The following WDFY4 variants were observed in gnomAD, a reference collection of about 807,000 sequenced individuals.
The protein encoded by WDFY4 is WD repeat- and FYVE domain-containing protein 4.
A neutral mutation model predicts 351.9 loss-of-function variants in WDFY4; 169 were observed. The ratio of observed to expected loss-of-function variants is 0.48; its 90% CI spans 0.42 to 0.55. The LOEUF is 0.55. Ranked by LOEUF, WDFY4 falls within the 20% of genes least tolerant of loss-of-function variation. The probability of loss-of-function intolerance (pLI) is 0.00; values close to 1 mark genes in which losing one functional copy is unlikely to be tolerated. For synonymous variants in WDFY4, 1,622 were observed against 1,574.6 expected (o/e 1.03, Z -0.71); for missense variants, 3,803 against 3,935.6 (o/e 0.97, Z 0.90).
intron 1 of WDFY4, among the ~76,000 whole-genome samples, chr10:48,692,872 C>T (rs1382181101): frequency 1.3e-5 from 2 of 152,160 alleles, no homozygotes; most frequent in Admixed American, 6.5e-5. Flanking sequence ...AAGGGGCTGT[C>T]GCCTGCTGGT....
At chr10:48,922,881 G>A (rs1839217979) in intron 47 of WDFY4, among the ~76,000 whole-genome samples, 1 of 152,138 alleles carries the variant, frequency 6.6e-6, no homozygotes, top group African/African-American at 2.4e-5. Context: ...AGGGATTAGG[G>A]GTTGGGGAAA....
At chr10:48,880,099 GC>G (rs1325078762) in intron 43 of WDFY4, among the ~76,000 whole-genome samples, 1 of 152,194 alleles carries the variant, frequency 6.6e-6, no homozygotes, top group Non-Finnish European at 1.5e-5. Context: ...TCAGGCTGCT[GC>G]CCCCCAGGGC....
intron 39 of WDFY4, among the ~76,000 whole-genome samples, chr10:48,852,081 T>C (rs2068974886): frequency 6.6e-6 from 1 of 152,254 alleles, no homozygotes; most frequent in Non-Finnish European, 1.5e-5. Context: ...CTTGATGTGC[T>C]ACATTCACTG....
In WDFY4 at chr10:48,836,663, A is replaced by T. The variant is rs569807792; in HGVS notation, c.6663+3954A>T. On this transcript the variant is annotated intron_variant, in intron 39 of 61. Coordinates refer to ENST00000325239, the MANE Select transcript of WDFY4 (RefSeq NM_001394531.1). ...TGAACTTTGAGGCAGGGCTGATTTG[A>T]TAGATGTTATTTCTTCTTCTTCTCC... 5.3e-5 allele frequency among the ~76,000 whole-genome samples: 8 copies of T among 152,228 alleles called. No homozygotes were observed. The East Asian group carries it at 9.6e-4, about 18-fold the overall frequency.
At position 48,807,849 on chromosome 10, in the gene WDFY4, T is replaced by C. The variant is rs969094885; in HGVS notation, c.4739-10T>C. 1 of 1,551,380 alleles carries C rather than the reference T, an allele frequency of 6.4e-7. No homozygotes were observed. The highest frequency in any genetic ancestry group is 8.7e-7 in the Non-Finnish European group (1 of 1,146,776). ...TCCATTTTCTCTCAAATCTGAATTC[T>C]TTTTTGTAGCTGGAAGCCAAACATC... On this transcript the variant is annotated splice_polypyrimidine_tract_variant and intron_variant, in intron 27 of 61. Coordinates refer to ENST00000325239, the MANE Select transcript of WDFY4 (RefSeq NM_001394531.1).
chr10:48,964,141 G>A (rs1035750943), intron 54 of WDFY4, 87 bp downstream of exon 54: 3 of 1,418,030 alleles, frequency 2.1e-6, no homozygotes, highest in African/African-American at 1.4e-5. Flanking sequence ...AAGTGAAGGA[G>A]ATGGCTGAAG....
At chr10:48,876,766 C>T (rs1211014476) in intron 42 of WDFY4, among the ~76,000 whole-genome samples, 1 of 152,202 alleles carries the variant, frequency 6.6e-6, no homozygotes, top group Non-Finnish European at 1.5e-5. Flanking sequence ...CCTGTGGTCA[C>T]TGGAAGTGGC....
At chr10:48,838,881 G>T (rs1341019575) in intron 39 of WDFY4, among the ~76,000 whole-genome samples, 2 of 152,246 alleles carry the variant, frequency 1.3e-5, no homozygotes, top group African/African-American at 4.8e-5. Context: ...TTGCGGGAGT[G>T]ATCAAGTAGC....
intron 52 of WDFY4, among the ~76,000 whole-genome samples, chr10:48,958,688 A>G (rs188818201): frequency 2.1e-3 from 317 of 152,298 alleles, no homozygotes; most frequent in Non-Finnish European, 4.1e-3. Flanking sequence ...GAGGATAGGA[A>G]AAATGGAAGA....
chr10:48,900,211 C>A lies in WDFY4; in HGVS notation c.7438-10C>A. On this transcript the variant is annotated splice_polypyrimidine_tract_variant and intron_variant, in intron 45 of 61. Transcript: ENST00000325239. ...ATATCAGGAGCATTAAAAGGGGCTTCTCTTCACAGGACATCGCCCTGGAGA... is the reference window on the plus strand; with the variant it reads ...ATATCAGGAGCATTAAAAGGGGCTTATCTTCACAGGACATCGCCCTGGAGA... 6.5e-7 allele frequency: 1 copy of A among 1,549,338 alleles called. No homozygotes were observed. The highest frequency in any genetic ancestry group is 8.7e-7 in the Non-Finnish European group (1 of 1,146,194).
chr10:48,907,231 A>T (rs1341474959), intron 47 of WDFY4, among the ~76,000 whole-genome samples: 1 of 152,214 alleles, frequency 6.6e-6, no homozygotes, highest in Admixed American at 6.5e-5. Flanking sequence ...AACTCAGAGA[A>T]ATACAAGGCT....
intron 44 of WDFY4, among the ~76,000 whole-genome samples, chr10:48,895,930 T>C (rs1837054598): frequency 6.6e-6 from 1 of 152,060 alleles, no homozygotes; most frequent in African/African-American, 2.4e-5. Context: ...CACACGTGGG[T>C]CCCTTCTCTG....
In WDFY4 at chr10:48,970,122, C is replaced by T; in HGVS notation, c.8770-9C>T. On this transcript the variant is annotated splice_polypyrimidine_tract_variant and intron_variant, in intron 56 of 61. Coordinates refer to ENST00000325239, the MANE Select transcript of WDFY4 (RefSeq NM_001394531.1). ...CCACAGCAGCGCTCATCCCCCTTAT[C>T]TCCTACAGGTCCTGATGACATTCGA... 1 of 1,551,328 alleles carries T rather than the reference C, an allele frequency of 6.4e-7. No homozygotes were observed. Among genetic ancestry groups the T allele is most frequent in the Non-Finnish European group, 8.7e-7 (1 of 1,146,924 alleles).
rs966039819 is a variant in WDFY4, at chr10:48,723,566, A to C, written c.590A>C (p.Gln197Pro). 1 of 1,551,810 alleles carries C rather than the reference A, an allele frequency of 6.4e-7. No individual in the cohort carries two copies. Among genetic ancestry groups the C allele is most frequent in the African/African-American group, 1.4e-5 (1 of 73,046 alleles). The change falls in exon 5 of 62, where the codon CAG becomes CCG. Residue 197 changes from glutamine (Q) to proline (P), a missense_variant and splice_region_variant. Around this residue, in one of 3 missense-constraint regions of WDFY4, gnomAD observed 488 missense variants for 456.8 expected, o/e 1.07. Transcript: ENST00000325239. Reference protein sequence around the residue: ...SDLQVQKMFVQMLLNICSDSQ... With the variant: ...SDLQVQKMFVPMLLNICSDSQ... ...CTTCAAGTTCAAAAGATGTTCGTGCAGGTGAGTTCAAGGAGGGCCTCCAAT... is the reference window on the plus strand; with the variant it reads ...CTTCAAGTTCAAAAGATGTTCGTGCCGGTGAGTTCAAGGAGGGCCTCCAAT...
At chr10:48,750,668 T>A (rs2065156067) in intron 12 of WDFY4, among the ~76,000 whole-genome samples, 1 of 152,282 alleles carries the variant, frequency 6.6e-6, no homozygotes, top group Non-Finnish European at 1.5e-5. Context: ...ATTTCTTTGG[T>A]TTGTGTTTGC....
chr10:48,819,621 G>C (rs576353171), intron 32 of WDFY4, among the ~76,000 whole-genome samples: 6 of 152,288 alleles, frequency 3.9e-5, no homozygotes, highest in South Asian at 4.1e-4. Context: ...AATGACCCCT[G>C]TCTCGTTGAT....
chr10:48,914,285 T>TC (rs1196024300), intron 47 of WDFY4: 5 of 952,386 alleles, frequency 5.2e-6, no homozygotes, highest in Non-Finnish European at 7.7e-6. Flanking sequence ...GGCACTGGGC[T>TC]CCCCCACGTC....
At chr10:48,865,929 C>T (rs2069526878) in intron 39 of WDFY4, among the ~76,000 whole-genome samples, 1 of 151,578 alleles carries the variant, frequency 6.6e-6, no homozygotes, top group Admixed American at 6.6e-5. Context: ...GTAGTATTGT[C>T]TCCTTCATTT....
intron 1 of WDFY4, among the ~76,000 whole-genome samples, chr10:48,702,395 A>T (rs574660103): frequency 6.6e-6 from 1 of 152,188 alleles, no homozygotes; most frequent in African/African-American, 2.4e-5. Flanking sequence ...TCATCCCCTT[A>T]TCCCCCGTCC....
Sources: gnomAD v4.1 joint callset for allele counts (sites outside exome capture counted in the v4.1 genomes callset) on GRCh38, gnomAD v4.1.1 for gene constraint, gnomAD v4.1.1 regional missense constraint, MANE v1.5 for transcripts, NCBI Gene and HGNC (gene_info 2026-07-23, HGNC 2026-07-21) for gene names.